Variants in ADA observed in about 807,000 individuals in gnomAD.
ADA encodes adenosine deaminase.
ADA carries 45 observed loss-of-function variants against 49.0 expected under a neutral mutation model. The ratio of observed to expected loss-of-function variants is 0.92; its 90% CI spans 0.72 to 1.18. The LOEUF is 1.18. Ranked by LOEUF, ADA falls within the 50% of genes most tolerant of loss-of-function variation. ADA has a pLI of 0.00. For missense variants in ADA, 445 were observed against 472.5 expected, an observed-to-expected ratio of 0.94 and a Z score of 0.54; for synonymous variants, 173 against 184.2, an observed-to-expected ratio of 0.94 and a Z score of 0.49.
At chr20:44,630,167 A>G (rs373405114) in intron 2 of ADA, among the ~76,000 whole-genome samples, 12 of 152,170 alleles carry the variant, frequency 7.9e-5, no homozygotes, top group East Asian at 1.9e-4. Flanking sequence ...CAACATGGTG[A>G]AACCCCGTCT....
intron 9 of ADA, among the ~76,000 whole-genome samples, chr20:44,621,995 G>A (rs1381127276): frequency 6.6e-6 from 1 of 152,218 alleles, no homozygotes; most frequent in African/African-American, 2.4e-5. Context: ...AGATGGATAA[G>A]TGCTGGCCTG....
intron 4 of ADA, among the ~76,000 whole-genome samples, chr20:44,626,134 T>C (rs1173249022): frequency 6.6e-6 from 1 of 152,202 alleles, no homozygotes; most frequent in African/African-American, 2.4e-5. Context: ...TTTAGAGATC[T>C]GATCAGCATC....
chr20:44,651,681 G>C lies in ADA; in HGVS notation c.-74C>G. 1 of 1,436,520 alleles carries C rather than the reference G, an allele frequency of 7.0e-7. No homozygotes were observed. The highest frequency in any genetic ancestry group is 9.1e-7 in the Non-Finnish European group (1 of 1,099,882). 89.0% of individuals were successfully genotyped at this position (1,436,520 alleles called of 1,614,324 possible). ...GTCTCTGCCGGCTCGGTGGCCGCTCGGCTTTCCCTGGGGCCAGCGGTGGCC... is the reference window on the plus strand; with the variant it reads ...GTCTCTGCCGGCTCGGTGGCCGCTCCGCTTTCCCTGGGGCCAGCGGTGGCC... On this transcript the variant is annotated 5_prime_UTR_variant, in exon 1 of 12. Coordinates refer to ENST00000372874, the MANE Select transcript of ADA (RefSeq NM_000022.4).
chr20:44,646,283 C>A (rs1247106779), intron 1 of ADA, among the ~76,000 whole-genome samples: 1 of 150,818 alleles, frequency 6.6e-6, no homozygotes, highest in African/African-American at 2.5e-5. Flanking sequence ...CAAAAGGCTT[C>A]GATGAAACTC....
At chr20:44,636,143 C>G (rs116699817) in intron 2 of ADA, 84 bp downstream of exon 2, 1 of 1,257,986 alleles carries the variant, frequency 7.9e-7, no homozygotes, top group Non-Finnish European at 1.1e-6. Flanking sequence ...GAACAGTGAC[C>G]CTGGAATTCC....
At position 44,620,985 on chromosome 20, in the gene ADA, G is replaced by A. The variant is rs372515216; in HGVS notation, c.975+33C>T. ...CTGTAGATACCATACTCCCAAACCC[G>A]AGTCAAGGCCAGTATGGCTCACACC... On this transcript the variant is annotated intron_variant, in intron 10 of 11. Coordinates refer to ENST00000372874, the MANE Select transcript of ADA (RefSeq NM_000022.4). 9.4e-5 allele frequency: 151 copies of A among 1,613,040 alleles called. No homozygotes were observed. In the African/African-American group the frequency reaches 1.3e-3, roughly 14 times the overall value.
chr20:44,643,347 T>C (rs894717148), intron 1 of ADA, among the ~76,000 whole-genome samples: 1 of 152,224 alleles, frequency 6.6e-6, no homozygotes, highest in African/African-American at 2.4e-5. Flanking sequence ...ATTTGAACCC[T>C]AGTCTGATTC....
At position 44,631,148 on chromosome 20, in the gene ADA, A is replaced by C. The variant is rs548836349; in HGVS notation, c.96-1979T>G. Among the ~76,000 whole-genome samples the C allele has an allele frequency of 1.8e-4, 27 of 152,340 alleles. No individual in the cohort carries two copies. The East Asian group carries it at 4.4e-3, about 25-fold the overall frequency. ...CTAAAATATTAAAATGCTTCCCTAC[A>C]TAAATATGTTTCCTAAGCCCCCTGA... On this transcript the variant is annotated intron_variant, in intron 2 of 11. Coordinates refer to ENST00000372874, the MANE Select transcript of ADA (RefSeq NM_000022.4).
At chr20:44,641,029 C>G (rs1258982109) in intron 1 of ADA, among the ~76,000 whole-genome samples, 1 of 152,116 alleles carries the variant, frequency 6.6e-6, no homozygotes, top group Non-Finnish European at 1.5e-5. Flanking sequence ...TGAAGCCATG[C>G]AGGGTGTGGC....
Position 44,651,694 on chromosome 20 carries a change from G to A in ADA, c.-87C>T. The A allele has an allele frequency of 7.3e-7, 1 of 1,367,644 alleles. No homozygotes were observed. Among genetic ancestry groups the A allele is most frequent in the Non-Finnish European group, 9.4e-7 (1 of 1,067,118 alleles). The allele number at this position is 1,367,644 out of a possible 1,614,324, so 84.7% of individuals were successfully genotyped here. A position where few individuals can be genotyped will look rare whatever the true frequency, so the allele number is the denominator to read the frequency against. ...CGGTGGCCGCTCGGCTTTCCCTGGG[G>A]CCAGCGGTGGCCGCGGCCGGCCACG... On this transcript the variant is annotated 5_prime_UTR_variant, in exon 1 of 12. Coordinates refer to ENST00000372874, the MANE Select transcript of ADA (RefSeq NM_000022.4).
intron 9 of ADA, among the ~76,000 whole-genome samples, 167 bp from the exon 10 acceptor site, chr20:44,621,314 T>A (rs2065329805): frequency 6.6e-6 from 1 of 152,180 alleles, no homozygotes; most frequent in Non-Finnish European, 1.5e-5. Flanking sequence ...AGGTGACTTG[T>A]TCAAGTCTAT....
chr20:44,648,917 T>G (rs1381004414), intron 1 of ADA, among the ~76,000 whole-genome samples: 1 of 152,094 alleles, frequency 6.6e-6, no homozygotes, highest in African/African-American at 2.4e-5. Flanking sequence ...TGCTCTGCTT[T>G]CTTCTAGCTG....
At chr20:44,631,542 T>G (rs1422629289) in intron 2 of ADA, among the ~76,000 whole-genome samples, 1 of 152,128 alleles carries the variant, frequency 6.6e-6, no homozygotes, top group Non-Finnish European at 1.5e-5. Flanking sequence ...GAGATGACAC[T>G]AGGGCTCTGG....
chr20:44,621,517 C>G (rs999675686), intron 9 of ADA, among the ~76,000 whole-genome samples: 1 of 152,166 alleles, frequency 6.6e-6, no homozygotes, highest in Non-Finnish European at 1.5e-5. Flanking sequence ...GCTTGTTCCT[C>G]AGTCCCACTG....
intron 2 of ADA, 120 bp from the exon 3 acceptor site, chr20:44,629,289 G>A: frequency 6.9e-7 from 1 of 1,445,330 alleles, no homozygotes; most frequent in Non-Finnish European, 9.5e-7. Context: ...CAGGAGACAT[G>A]GGCGTCTCTC....
Position 44,644,444 on chromosome 20 carries a change from C to A in ADA, c.33+7131G>T, listed in dbSNP as rs190794053. ...CTCCCTGCAACAAGGAAGGGGCTGA[C>A]CTGCCCCCATGGGACCTGGCAGAAC... On this transcript the variant is annotated intron_variant, in intron 1 of 11. Coordinates refer to ENST00000372874, the MANE Select transcript of ADA (RefSeq NM_000022.4). Among the ~76,000 whole-genome samples, 27 of 152,284 alleles carry A rather than the reference C, an allele frequency of 1.8e-4. No homozygotes were observed. The East Asian group carries it at 4.7e-3, about 26-fold the overall frequency.
At chr20:44,624,042 G>C in intron 6 of ADA, 160 bp downstream of exon 6, 1 of 1,053,556 alleles carries the variant, frequency 9.5e-7, no homozygotes, top group Admixed American at 2.1e-5. Flanking sequence ...CACCACGCCT[G>C]GCCCAGGGGG....
chr20:44,633,922 A>C (rs1179954993), intron 2 of ADA, among the ~76,000 whole-genome samples: 1 of 152,210 alleles, frequency 6.6e-6, no homozygotes, highest in Admixed American at 6.5e-5. Context: ...TTCCATTCTT[A>C]GCCCATATTT....
chr20:44,626,811 C>A lies in ADA; in HGVS notation c.219-212G>T, dbSNP rs187344728. Among the ~76,000 whole-genome samples the A allele has an allele frequency of 5.0e-3, 769 of 152,284 alleles. 4 individuals are homozygous for A. Among genetic ancestry groups the A allele is most frequent in the Non-Finnish European group, 8.0e-3 (546 of 68,020 alleles). On this transcript the variant is annotated intron_variant, in intron 3 of 11. Coordinates refer to ENST00000372874, the MANE Select transcript of ADA (RefSeq NM_000022.4). ...ACCAGTTCTCACCCCTCCATCCTGG[C>A]CTGAATCACGCCATCTCTAACTGGC...
Sources: gnomAD v4.1 joint callset for allele counts (sites outside exome capture counted in the v4.1 genomes callset) on GRCh38, gnomAD v4.1.1 for gene constraint, MANE v1.5 for transcripts, NCBI Gene and HGNC (gene_info 2026-07-23, HGNC 2026-07-21) for gene names.